UQCC1: variants seen among roughly 807,000 people sequenced by gnomAD.
UQCC1 encodes the protein ubiquinol-cytochrome c reductase complex assembly factor 1, also known as bFGF-repressed Zic-binding protein.
In UQCC1, 38 loss-of-function variants were observed where a neutral mutation model predicts 48.0. That is an observed-to-expected ratio of 0.79 (90% CI 0.61 to 1.04). The LOEUF (loss-of-function observed/expected upper bound fraction) is 1.04. UQCC1 is among the 50% of genes least tolerant of loss of function. The pLI is 0.00. For synonymous variants in UQCC1, 111 were observed against 129.2 expected (o/e 0.86, Z 0.95); for missense variants, 368 against 381.8 (o/e 0.96, Z 0.30).
At chr20:35,317,578 C>A (rs2061075290) in intron 7 of UQCC1, among the ~76,000 whole-genome samples, 1 of 152,186 alleles carries the variant, frequency 6.6e-6, no homozygotes, top group South Asian at 2.1e-4. Context: ...GCTCTCTGGG[C>A]ATATTTTCTG....
At chr20:35,368,804 A>G (rs1011902298) in intron 5 of UQCC1, among the ~76,000 whole-genome samples, 7 of 152,188 alleles carry the variant, frequency 4.6e-5, no homozygotes, top group African/African-American at 9.7e-5. Context: ...GCAGCTGTCA[A>G]GTCGACTTCC....
rs1239002743 is a variant in UQCC1, at chr20:35,303,625, G to A, written c.*310C>T. 6.0e-6 allele frequency: 2 copies of A among 335,326 alleles called. No individual in the cohort carries two copies. Among genetic ancestry groups the A allele is most frequent in the Non-Finnish European group, 1.1e-5 (2 of 177,204 alleles). 20.8% of individuals were successfully genotyped at this position (335,326 alleles called of 1,614,324 possible). On this transcript the variant is annotated 3_prime_UTR_variant, in exon 10 of 10. Coordinates refer to ENST00000374385, the MANE Select transcript of UQCC1 (RefSeq NM_018244.5). The stretch of plus-strand genomic sequence containing the variant: ...TACACCATCCCTTCCTTGGCCTTTG[G>A]GAAAAGCTATCAGTCACATGTAGTT...
chr20:35,332,218 C>T lies in UQCC1; in HGVS notation c.573+14946G>A, dbSNP rs528536934. Among the ~76,000 whole-genome samples the T allele has an allele frequency of 4.6e-5, 7 of 152,250 alleles. No homozygotes were observed. The South Asian group carries it at 1.5e-3, about 32-fold the overall frequency. ...TTGGGGGAATGGCCTGTTTCCTGGG[C>T]CCAGAATTGTATGTGCATGTACTAA... On this transcript the variant is annotated intron_variant, in intron 7 of 9. Coordinates refer to ENST00000374385, the MANE Select transcript of UQCC1 (RefSeq NM_018244.5).
chr20:35,324,838 T>C lies in UQCC1; in HGVS notation c.574-10073A>G, dbSNP rs116914929. On this transcript the variant is annotated intron_variant, in intron 7 of 9. Coordinates refer to ENST00000374385, the MANE Select transcript of UQCC1 (RefSeq NM_018244.5). Reference sequence around the variant, plus strand: ...AGCCCAGCAATCCCATTCCTAACTATATGTCCAAAAGAATTGAAAGCGGGA... The same window carrying C: ...AGCCCAGCAATCCCATTCCTAACTACATGTCCAAAAGAATTGAAAGCGGGA... 6.1e-3 allele frequency among the ~76,000 whole-genome samples: 931 copies of C among 152,318 alleles called. 5 individuals carry two copies. Among genetic ancestry groups the C allele is most frequent in the Middle Eastern group, 0.027 (8 of 294 alleles).
In UQCC1 at chr20:35,381,966, C is replaced by G; in HGVS notation, c.285G>C (p.Lys95Asn). The change falls in exon 4 of 10, where the codon AAG becomes AAC. Residue 95 changes from lysine to asparagine, a missense_variant. Lys to Asn is a moderately conservative substitution (Grantham distance 94, BLOSUM62 0). Transcript: ENST00000374385. ...CCGTGAATCCCATGGCTTCTATTAT[C>G]TTTGTGAAAGCACCAACCTTCTCCT... is the stretch of plus-strand genomic sequence containing the variant. ...PVEEKVGAFTKIIEAMGFTGP... is the reference protein window; with the variant it reads ...PVEEKVGAFTNIIEAMGFTGP... 1 of 1,613,404 alleles carries G rather than the reference C, an allele frequency of 6.2e-7. No homozygotes were observed. Among genetic ancestry groups the G allele is most frequent in the East Asian group, 2.2e-5 (1 of 44,870 alleles).
rs1352960675 is a variant in UQCC1, at chr20:35,347,161, T to C, written c.573+3A>G. 2.5e-6 allele frequency: 4 copies of C among 1,614,060 alleles called. No individual in the cohort carries two copies. The highest frequency in any genetic ancestry group is 2.7e-5 in the African/African-American group (2 of 74,918). On this transcript the variant is annotated splice_donor_region_variant and intron_variant, in intron 7 of 9. Transcript: ENST00000374385. ...GGACAAGCATCTGACAGCACTCACT[T>C]ACCCCCATGACTCTGCCGCGCTGCT...
intron 7 of UQCC1, 23 bp from the exon 8 acceptor site, chr20:35,314,788 C>A: frequency 6.4e-7 from 1 of 1,566,756 alleles, no homozygotes; most frequent in Non-Finnish European, 8.7e-7. Flanking sequence ...ATGGCAAAAA[C>A]AAAAGTTTGA....
chr20:35,408,005 C>T (rs985543357), intron 1 of UQCC1, among the ~76,000 whole-genome samples: 3 of 151,972 alleles, frequency 2.0e-5, no homozygotes, highest in Middle Eastern at 3.4e-3. Flanking sequence ...CTGGGCAACA[C>T]GCGTGAAACT....
chr20:35,383,954 C>T, intron 3 of UQCC1, 84 bp downstream of exon 3: 1 of 1,227,654 alleles, frequency 8.1e-7, no homozygotes, highest in Non-Finnish European at 1.2e-6. Context: ...CGCTAAAACT[C>T]ACCTAGCTAA....
intron 1 of UQCC1, 27 bp downstream of exon 1, chr20:35,411,913 A>G: frequency 6.2e-7 from 1 of 1,614,098 alleles, no homozygotes; most frequent in Non-Finnish European, 8.5e-7. Flanking sequence ...CCAGAGAGCT[A>G]CCGTAGAAAA....
chr20:35,366,591 T>A lies in UQCC1; in HGVS notation c.430A>T (p.Asn144Tyr). Residue 144 changes from asparagine to tyrosine, a missense_variant, in exon 6 of 10, where the codon AAT becomes TAT. Physicochemically the swap from Asn to Tyr is moderately radical, Grantham distance 143. Transcript: ENST00000374385. ...AGTAGGGTTATAAGAAACCATGAAT[T>A]GAATGTATCAGGCATCTGACACCCT... ...FLRCQMPDTF[N>Y]SWFLITLLHV... 1 of 1,613,986 alleles carries A rather than the reference T, an allele frequency of 6.2e-7. No individual in the cohort carries two copies. Among genetic ancestry groups the A allele is most frequent in the Non-Finnish European group, 8.5e-7 (1 of 1,179,906 alleles).
intron 1 of UQCC1, among the ~76,000 whole-genome samples, chr20:35,402,415 A>G (rs1264763166): frequency 2.0e-5 from 3 of 151,906 alleles, no homozygotes; most frequent in Admixed American, 2.0e-4. Flanking sequence ...CGTCTCTACT[A>G]AAAATACAAA....
At chr20:35,320,629 G>A (rs533038609) in intron 7 of UQCC1, among the ~76,000 whole-genome samples, 10 of 152,188 alleles carry the variant, frequency 6.6e-5, no homozygotes, top group Non-Finnish European at 1.5e-4. Flanking sequence ...ATCAGTGGCC[G>A]GTTACTAATA....
chr20:35,404,317 C>A (rs950808404), intron 1 of UQCC1, among the ~76,000 whole-genome samples: 5 of 151,068 alleles, frequency 3.3e-5, no homozygotes, highest in Non-Finnish European at 7.4e-5. Context: ...TTGCAGTGAG[C>A]CGAGATTGCA....
chr20:35,317,918 C>T (rs1367834580), intron 7 of UQCC1, among the ~76,000 whole-genome samples: 1 of 110,686 alleles, frequency 9.0e-6, no homozygotes, highest in African/African-American at 5.1e-5. Flanking sequence ...GTCCCATCTT[C>T]CAGAAAGGGG....
At chr20:35,363,597 C>T (rs2061632369) in intron 6 of UQCC1, among the ~76,000 whole-genome samples, 1 of 152,190 alleles carries the variant, frequency 6.6e-6, no homozygotes. Context: ...GAAATCTTGT[C>T]CTTATTCTAA....
chr20:35,337,948 G>A (rs184681733), intron 7 of UQCC1, among the ~76,000 whole-genome samples: 8 of 150,936 alleles, frequency 5.3e-5, no homozygotes, highest in East Asian at 2.0e-4. Context: ...TGGCTTTGCC[G>A]CACACAGTAT....
At position 35,394,155 on chromosome 20, in the gene UQCC1, G is replaced by C. The variant is rs749786531; in HGVS notation, c.66C>G (p.Ser22Arg). The C allele has an allele frequency of 4.3e-6, 7 of 1,614,040 alleles. No individual in the cohort carries two copies. The South Asian group carries it at 5.5e-5, about 13-fold the overall frequency. The change falls in exon 2 of 10, where the codon AGC becomes AGG. Residue 22 changes from serine to arginine, a missense_variant. Transcript: ENST00000374385. ...TSISQWVPVCSRLIPVSPTQG... is the reference protein window; with the variant it reads ...TSISQWVPVCRRLIPVSPTQG... ...GGGTAGGAGACACAGGTATCAATCG[G>C]CTGCATACTGGAACCCACTGAGAAA...
rs1281876812 is a variant in UQCC1, at chr20:35,382,264, G to A, written c.226-239C>T. 7.9e-5 allele frequency among the ~76,000 whole-genome samples: 12 copies of A among 151,380 alleles called. No individual in the cohort carries two copies. The South Asian group carries it at 2.1e-3, about 26-fold the overall frequency. Reference sequence around the variant, plus strand: ...TGGGATTACAGGTGCACGCCATCACGCCAAGTCAATTTTTTAAATTTTCTG... The same window carrying A: ...TGGGATTACAGGTGCACGCCATCACACCAAGTCAATTTTTTAAATTTTCTG... On this transcript the variant is annotated intron_variant, in intron 3 of 9. Transcript: ENST00000374385.
Sources: gnomAD v4.1 joint callset for allele counts (sites outside exome capture counted in the v4.1 genomes callset) on GRCh38, gnomAD v4.1.1 for gene constraint, MANE v1.5 for transcripts, NCBI Gene and HGNC (gene_info 2026-07-23, HGNC 2026-07-21) for gene names.